Variants in GRIK2 observed in about 807,000 individuals in gnomAD.
The protein encoded by GRIK2 is glutamate ionotropic receptor kainate type subunit 2, also known as glutamate receptor ionotropic, kainate 2.
A neutral mutation model predicts 100.3 loss-of-function variants in GRIK2; 32 were observed. The ratio of observed to expected loss-of-function variants is 0.32; its 90% confidence interval spans 0.24 to 0.43. The LOEUF (loss-of-function observed/expected upper bound fraction) is 0.43. Among genes scored for constraint, GRIK2 ranks in the 20% least tolerant of loss-of-function variants. The pLI is 1.00. For missense variants in GRIK2, 843 were observed against 1,114.9 expected (o/e 0.76, Z 3.47); for synonymous variants, 417 against 389.4 (o/e 1.07, Z -0.83).
At chr6:101,793,599 A>T (rs1404039780) in intron 7 of GRIK2, among the ~76,000 whole-genome samples, 1 of 151,994 alleles carries the variant, frequency 6.6e-6, no homozygotes, top group Non-Finnish European at 1.5e-5. Context: ...TCGCCATGTG[A>T]GGTGTCAGTC....
intron 7 of GRIK2, among the ~76,000 whole-genome samples, chr6:101,761,800 T>TCTTCCTTC (rs1020180976): frequency 1.1e-5 from 1 of 93,206 alleles, no homozygotes; most frequent in East Asian, 7.4e-4. Flanking sequence ...TCCCTTCCTT[T>TCTTCCTTC]CTTCCTTCCT....
At chr6:101,881,381 G>C (rs1786231399) in intron 11 of GRIK2, among the ~76,000 whole-genome samples, 1 of 151,714 alleles carries the variant, frequency 6.6e-6, no homozygotes, top group African/African-American at 2.4e-5. Flanking sequence ...ATCAGTAATA[G>C]CTAAATCAGA....
chr6:101,740,783 G>C (rs1326673950), intron 7 of GRIK2, among the ~76,000 whole-genome samples: 1 of 152,148 alleles, frequency 6.6e-6, no homozygotes, highest in Non-Finnish European at 1.5e-5. Flanking sequence ...GGAAGCAAGA[G>C]GGGGTGGTGC....
At chr6:101,454,890 C>A (rs1040419360) in intron 2 of GRIK2, among the ~76,000 whole-genome samples, 1 of 152,096 alleles carries the variant, frequency 6.6e-6, no homozygotes, top group Non-Finnish European at 1.5e-5. Flanking sequence ...TTTCCATGAA[C>A]ATTTACAAAA....
At chr6:101,591,127 T>A (rs1156907155) in intron 2 of GRIK2, among the ~76,000 whole-genome samples, 1 of 152,054 alleles carries the variant, frequency 6.6e-6, no homozygotes, top group Non-Finnish European at 1.5e-5. Context: ...TTCAGAATCC[T>A]CTGAAAGGTT....
chr6:101,626,710 TA>T, intron 4 of GRIK2, 73 bp downstream of exon 4: 1 of 1,329,236 alleles, frequency 7.5e-7, no homozygotes. Context: ...TCCAGGTTCT[TA>T]TTGTATTCTT....
chr6:102,003,688 T>C (rs1209321867), intron 14 of GRIK2, among the ~76,000 whole-genome samples: 1 of 151,798 alleles, frequency 6.6e-6, no homozygotes, highest in Admixed American at 6.6e-5. Flanking sequence ...TGGAAAAAAT[T>C]AGACTACAAT....
chr6:101,991,227 A>C (rs560297929), intron 14 of GRIK2, among the ~76,000 whole-genome samples: 1 of 151,882 alleles, frequency 6.6e-6, no homozygotes, highest in East Asian at 1.9e-4. Context: ...GCCAGACACT[A>C]TGATAAATAG....
intron 12 of GRIK2, among the ~76,000 whole-genome samples, chr6:101,909,098 A>G (rs1788451828): frequency 6.6e-6 from 1 of 151,348 alleles, no homozygotes; most frequent in African/African-American, 2.4e-5. Flanking sequence ...GTTATTCTGT[A>G]ACTTTTATTA....
chr6:101,512,358 A>T (rs1341268954), intron 2 of GRIK2, among the ~76,000 whole-genome samples: 2 of 152,024 alleles, frequency 1.3e-5, no homozygotes, highest in Non-Finnish European at 2.9e-5. Flanking sequence ...AACATTTTGA[A>T]TTGTAGAAGA....
chr6:101,766,160 C>G (rs1197935726), intron 7 of GRIK2, among the ~76,000 whole-genome samples: 1 of 151,854 alleles, frequency 6.6e-6, no homozygotes, highest in Admixed American at 6.6e-5. Context: ...ACATATTTGC[C>G]TGATATATTT....
chr6:101,760,597 AT>A (rs1777520362), intron 7 of GRIK2, among the ~76,000 whole-genome samples: 1 of 94,226 alleles, frequency 1.1e-5, no homozygotes, highest in Non-Finnish European at 1.8e-5. Context: ...ATTATATATA[AT>A]TATATATAAT....
rs2128343977 is a variant in GRIK2 at position 101,686,202 on chromosome 6, A to G, written c.800A>G (p.Glu267Gly). The G allele has an allele frequency of 6.2e-7, 1 of 1,612,212 alleles. No individual in the cohort carries two copies. The highest frequency in any genetic ancestry group is 2.2e-5 in the East Asian group (1 of 44,792). Residue 267 changes from glutamate to glycine, a missense_variant, in exon 7 of 17, where the codon GAG becomes GGG. Physicochemically the swap from Glu to Gly is moderately conservative, Grantham distance 98. Around this residue, in one of 3 missense-constraint regions of GRIK2, gnomAD observed 519 missense variants for 643.8 expected, o/e 0.81. Coordinates refer to ENST00000369134, the MANE Select transcript of GRIK2 (RefSeq NM_021956.5). Reference protein sequence around the residue: ...TTLDLFALDVEPYRYSGVNMT... With the variant: ...TTLDLFALDVGPYRYSGVNMT... ...CAGGACCTCTTTGCTCTTGATGTTGAGCCCTACCGATACAGTGGTGTTAAC... is the reference window on the plus strand; with the variant it reads ...CAGGACCTCTTTGCTCTTGATGTTGGGCCCTACCGATACAGTGGTGTTAAC...
chr6:102,042,185 G>T (rs952445592), intron 15 of GRIK2, among the ~76,000 whole-genome samples: 2 of 151,550 alleles, frequency 1.3e-5, no homozygotes, highest in African/African-American at 4.8e-5. Context: ...ATTAGGAGAA[G>T]TATCATCTCT....
At chr6:101,778,672 A>C (rs1326599911) in intron 7 of GRIK2, among the ~76,000 whole-genome samples, 2 of 152,250 alleles carry the variant, frequency 1.3e-5, no homozygotes, top group East Asian at 3.9e-4. Context: ...TGCTGAGAAA[A>C]ATTTTTAGTA....
At position 101,513,713 on chromosome 6, in the gene GRIK2, T is replaced by C. The variant is rs74884698; in HGVS notation, c.116-108236T>C. On this transcript the variant is annotated intron_variant, in intron 2 of 16. Coordinates refer to ENST00000369134, the MANE Select transcript of GRIK2 (RefSeq NM_021956.5). ...GCCATGACTCCCCAGACACCTTAGA[T>C]AGGAGTAAGTCCTTACCAGAATTTG... Among the ~76,000 whole-genome samples, 439 of 152,236 alleles carry C rather than the reference T, an allele frequency of 2.9e-3. 3 individuals carry two copies. The highest frequency in any genetic ancestry group is 0.01 in the African/African-American group (428 of 41,556).
chr6:101,804,375 A>G (rs1464046772), intron 9 of GRIK2, among the ~76,000 whole-genome samples: 1 of 152,034 alleles, frequency 6.6e-6, no homozygotes, highest in Non-Finnish European at 1.5e-5. Context: ...GTGAGTTTAA[A>G]GAAAGAATAG....
intron 2 of GRIK2, among the ~76,000 whole-genome samples, chr6:101,416,964 T>G (rs1764547376): frequency 6.6e-6 from 1 of 152,150 alleles, no homozygotes; most frequent in Non-Finnish European, 1.5e-5. Flanking sequence ...CAAAAATGCC[T>G]AAAGGTGACT....
Position 101,761,829 on chromosome 6 carries a change from C to T in GRIK2, c.952-37819C>T, listed in dbSNP as rs371933376. Among the ~76,000 whole-genome samples the T allele has an allele frequency of 1.2e-3, 144 of 121,402 alleles. 1 individual carries two copies. Among genetic ancestry groups the T allele is most frequent in the African/African-American group, 4.3e-3 (135 of 31,062 alleles). 79.6% of individuals were successfully genotyped at this position (121,402 alleles called of 152,430 possible). A position where few individuals can be genotyped will look rare whatever the true frequency, so the allele number is the denominator to read the frequency against. ...CCTTCCTTCCTTCTTTTCTTTTCTT[C>T]CTTTGTTTCCTTTCCTTCCTTCCCT... On this transcript the variant is annotated intron_variant, in intron 7 of 16. Transcript: ENST00000369134.
Sources: allele counts gnomAD v4.1 joint callset (sites outside exome capture counted in the v4.1 genomes callset), GRCh38; gene constraint gnomAD v4.1.1; regional missense constraint gnomAD v4.1.1; transcripts MANE v1.5; gene names NCBI Gene and HGNC (gene_info 2026-07-23, HGNC 2026-07-21).